LRP1B: variants seen among roughly 807,000 people sequenced by gnomAD.
LRP1B encodes the protein low-density lipoprotein receptor-related protein 1B.
In LRP1B, 217 loss-of-function variants were observed where a neutral mutation model predicts 556.6. The ratio of observed to expected loss-of-function variants is 0.39; its 90% CI spans 0.35 to 0.44. The LOEUF (loss-of-function observed/expected upper bound fraction) is 0.44. Ranked by LOEUF, LRP1B falls within the 20% of genes least tolerant of loss-of-function variation. The probability of loss-of-function intolerance (pLI) is 1.00; values close to 1 mark genes in which losing one functional copy is unlikely to be tolerated. For synonymous variants in LRP1B, 2,047 were observed against 1,865.8 expected, an observed-to-expected ratio of 1.10 and a Z score of -2.50; for missense variants, 5,053 against 5,620.8, an observed-to-expected ratio of 0.90 and a Z score of 3.23.
At chr2:140,498,769 A>T (rs1470353027) in intron 55 of LRP1B, among the ~76,000 whole-genome samples, 1 of 151,924 alleles carries the variant, frequency 6.6e-6, no homozygotes, top group Non-Finnish European at 1.5e-5. Flanking sequence ...TATATATGAC[A>T]TATATTTGTG....
At chr2:140,471,498 A>G (rs1228201600) in intron 60 of LRP1B, among the ~76,000 whole-genome samples, 1 of 152,218 alleles carries the variant, frequency 6.6e-6, no homozygotes, top group Non-Finnish European at 1.5e-5. Context: ...TAATTCAATA[A>G]TAATATAAAT....
intron 1 of LRP1B, among the ~76,000 whole-genome samples, chr2:141,844,276 T>C (rs1320425647): frequency 3.9e-5 from 6 of 152,132 alleles, no homozygotes; most frequent in Admixed American, 3.9e-4. Flanking sequence ...CCAGAGTGGG[T>C]AAATTTATTT....
At chr2:141,153,489 A>T (rs866307215) in intron 7 of LRP1B, among the ~76,000 whole-genome samples, 5 of 126,196 alleles carry the variant, frequency 4.0e-5, no homozygotes, top group Admixed American at 9.8e-5. Flanking sequence ...TATATTAGCT[A>T]TATATATTTA....
intron 7 of LRP1B, among the ~76,000 whole-genome samples, chr2:141,122,124 G>A (rs541275706): frequency 2.0e-5 from 3 of 152,230 alleles, no homozygotes; most frequent in Non-Finnish European, 4.4e-5. Flanking sequence ...AGACTTAAAT[G>A]TTAGACCTAA....
Position 140,995,807 on chromosome 2 carries a change from T to C in LRP1B, c.2504-1672A>G, listed in dbSNP as rs531523340. Among the ~76,000 whole-genome samples, 19 of 152,144 alleles carry C rather than the reference T, an allele frequency of 1.2e-4. No homozygotes were observed. The South Asian group carries it at 3.9e-3, about 32-fold the overall frequency. On this transcript the variant is annotated intron_variant, in intron 15 of 90. Coordinates refer to ENST00000389484, the MANE Select transcript of LRP1B (RefSeq NM_018557.3). ...TGTTTTTTCTCTGCATGTTCCAGGT[T>C]CTCTAAACAAATGTTAGGAATTTGG...
chr2:140,567,221 G>A (rs1681159591), intron 43 of LRP1B, among the ~76,000 whole-genome samples: 1 of 152,006 alleles, frequency 6.6e-6, no homozygotes, highest in African/African-American at 2.4e-5. Context: ...GCTGCCCCTT[G>A]CCCCCAGGGT....
At chr2:141,270,873 CACA>C (rs1279685930) in intron 3 of LRP1B, among the ~76,000 whole-genome samples, 13 of 151,746 alleles carry the variant, frequency 8.6e-5, no homozygotes, top group Admixed American at 2.6e-4. Context: ...TAGATGGTTG[CACA>C]ACAGTATAAA....
intron 84 of LRP1B, among the ~76,000 whole-genome samples, chr2:140,277,703 A>G (rs1008168772): frequency 2.6e-5 from 4 of 151,894 alleles, no homozygotes; most frequent in African/African-American, 4.8e-5. Context: ...TTAAATTAAC[A>G]CTTCAATGAA....
At chr2:141,746,454 A>G (rs1416771594) in intron 2 of LRP1B, among the ~76,000 whole-genome samples, 2 of 152,020 alleles carry the variant, frequency 1.3e-5, no homozygotes, top group Admixed American at 6.6e-5. Context: ...GCAGTATCTC[A>G]CAATCACTGT....
intron 2 of LRP1B, among the ~76,000 whole-genome samples, chr2:141,804,631 G>A (rs924090938): frequency 2.6e-5 from 4 of 151,956 alleles, no homozygotes; most frequent in African/African-American, 7.2e-5. Flanking sequence ...AGAGAGGATC[G>A]ACCGAGAGGG....
intron 2 of LRP1B, among the ~76,000 whole-genome samples, chr2:141,684,051 C>T (rs1185743505): frequency 6.6e-6 from 1 of 151,940 alleles, no homozygotes; most frequent in Admixed American, 6.6e-5. Context: ...GTGGAAATTC[C>T]TCAAGGATCT....
At chr2:141,524,555 G>GT (rs951631987) in intron 2 of LRP1B, among the ~76,000 whole-genome samples, 11 of 151,382 alleles carry the variant, frequency 7.3e-5, no homozygotes, top group African/African-American at 1.2e-4. Context: ...AACATTGTAA[G>GT]TTTTTTTTTG....
intron 1 of LRP1B, among the ~76,000 whole-genome samples, chr2:141,833,984 G>T (rs1265848272): frequency 6.9e-6 from 1 of 145,858 alleles, no homozygotes; most frequent in Non-Finnish European, 1.5e-5. Flanking sequence ...AAAGTAAAGG[G>T]CATTGCAGAA....
At chr2:141,287,803 A>G (rs1685777100) in intron 3 of LRP1B, among the ~76,000 whole-genome samples, 1 of 152,178 alleles carries the variant, frequency 6.6e-6, no homozygotes, top group Non-Finnish European at 1.5e-5. Context: ...TGAATTATGC[A>G]ACTGTCGCAT....
chr2:140,536,754 A>G, intron 45 of LRP1B, 45 bp from the exon 46 acceptor site: 1 of 1,499,230 alleles, frequency 6.7e-7, no homozygotes, highest in Non-Finnish European at 9.0e-7. Context: ...GCAATGGCAA[A>G]TATTTTTTGA....
intron 3 of LRP1B, among the ~76,000 whole-genome samples, chr2:141,442,022 A>T (rs1024265378): frequency 6.6e-6 from 1 of 152,096 alleles, no homozygotes; most frequent in Non-Finnish European, 1.5e-5. Flanking sequence ...GATACATGTG[A>T]CTCTACCCAA....
intron 9 of LRP1B, 101 bp downstream of exon 9, chr2:141,058,782 G>A (rs150743303): frequency 1.1e-6 from 1 of 919,676 alleles, no homozygotes; most frequent in East Asian, 3.1e-5. Flanking sequence ...TCAAAGCAGA[G>A]AATTTATGAC....
intron 43 of LRP1B, among the ~76,000 whole-genome samples, chr2:140,542,750 G>A (rs1437302868): frequency 6.6e-6 from 1 of 152,076 alleles, no homozygotes; most frequent in Non-Finnish European, 1.5e-5. Context: ...GAAAGTTATG[G>A]GTGGCTATAT....
At chr2:140,275,049 T>C (rs1682612817) in intron 84 of LRP1B, among the ~76,000 whole-genome samples, 1 of 151,934 alleles carries the variant, frequency 6.6e-6, no homozygotes, top group African/African-American at 2.4e-5. Flanking sequence ...CGTGATTACA[T>C]CGGTATAGCA....
Sources: allele counts gnomAD v4.1 joint callset (sites outside exome capture counted in the v4.1 genomes callset), GRCh38; gene constraint gnomAD v4.1.1; transcripts MANE v1.5; gene names NCBI Gene and HGNC (gene_info 2026-07-23, HGNC 2026-07-21).